The following ANKRD30B variants were observed in gnomAD, a reference collection of about 807,000 sequenced individuals.
ANKRD30B encodes ankyrin repeat domain-containing protein 30B.
A neutral mutation model predicts 202.2 loss-of-function variants in ANKRD30B; 144 were observed. The observed-to-expected ratio is 0.71, with a 90% CI of 0.62 to 0.82. The LOEUF (loss-of-function observed/expected upper bound fraction) is 0.82, where lower values mean the gene tolerates loss of function less well. ANKRD30B is among the 40% of genes least tolerant of loss of function. The pLI, the probability that ANKRD30B is intolerant of heterozygous loss-of-function variation, is 0.00. For missense variants in ANKRD30B, 1,487 were observed against 1,669.1 expected, an observed-to-expected ratio of 0.89 and a Z score of 1.90; for synonymous variants, 508 against 561.3, an observed-to-expected ratio of 0.91 and a Z score of 1.34.
chr18:14,882,401 ATT>A, the ANKRD30B span, among the ~76,000 whole-genome samples: 1 of 152,168 alleles, frequency 6.6e-6, no homozygotes, highest in Admixed American at 6.5e-5. Flanking sequence ...AATTCCATGT[ATT>A]TGCATGGTTT....
chr18:14,797,820 C>A lies in ANKRD30B; in HGVS notation c.1995C>A (p.Ala665=). ...CGRKVSLPNK[A]LELKDRETLK... is the part of the protein sequence containing the mutation. ...GGAAAGTTTCTCTTCCAAATAAAGC[C>A]TTAGAATTAAAGGACAGAGAAACAC... Residue 665 remains alanine, a synonymous_variant, in exon 20 of 44, where the codon GCC becomes GCA. Coordinates refer to ENST00000690538, the MANE Select transcript of ANKRD30B (RefSeq NM_001367607.2). 6.4e-7 allele frequency: 1 copy of A among 1,551,824 alleles called. No homozygotes were observed. The highest frequency in any genetic ancestry group is 8.7e-7 in the Non-Finnish European group (1 of 1,147,468).
the ANKRD30B span, among the ~76,000 whole-genome samples, chr18:14,861,400 C>T: frequency 1.3e-5 from 2 of 151,680 alleles, no homozygotes; most frequent in Admixed American, 6.6e-5. Context: ...ATGATACCAA[C>T]AGGCTCAAAG....
In ANKRD30B at chr18:14,752,804, A is replaced by T. The variant is rs1476619884; in HGVS notation, c.337-35A>T. 11 of 1,578,474 alleles carry T rather than the reference A, an allele frequency of 7.0e-6. No homozygotes were observed. The East Asian group carries it at 2.1e-4, about 30-fold the overall frequency. ...TGGAATACTTATTTTGATTTCCTATAATTTATAATGTACTTCTTGCTTTAA... is the reference window on the plus strand; with the variant it reads ...TGGAATACTTATTTTGATTTCCTATTATTTATAATGTACTTCTTGCTTTAA... On this transcript the variant is annotated intron_variant, in intron 2 of 43. Coordinates refer to ENST00000690538, the MANE Select transcript of ANKRD30B (RefSeq NM_001367607.2).
chr18:14,865,223 C>T, the ANKRD30B span, among the ~76,000 whole-genome samples: 122 of 151,792 alleles, frequency 8.0e-4, no homozygotes, highest in Middle Eastern at 3.4e-3. Flanking sequence ...TCCTCGCCAC[C>T]CTCTTTATCC....
intron 12 of ANKRD30B, 89 bp downstream of exon 12, chr18:14,782,703 T>G (rs1462967753): frequency 1.3e-6 from 1 of 761,628 alleles, no homozygotes; most frequent in Non-Finnish European, 2.0e-6. Flanking sequence ...CCAAATAAAA[T>G]TACCCACTAA....
chr18:14,918,966 G>T, the ANKRD30B span, among the ~76,000 whole-genome samples: 1 of 152,168 alleles, frequency 6.6e-6, no homozygotes, highest in East Asian at 1.9e-4. Flanking sequence ...TCCAGCTTCT[G>T]CCATGTGATG....
Position 14,748,763 on chromosome 18 carries a change from T to C in ANKRD30B, c.221+123T>C, listed in dbSNP as rs2143609069. On this transcript the variant is annotated intron_variant, in intron 1 of 43. Transcript: ENST00000690538. ...GAGCAGGTGGAGGAGTGGCGGGCGATGGGGCGGCCGTCCTGGGCCCCGAGG... is the reference window on the plus strand; with the variant it reads ...GAGCAGGTGGAGGAGTGGCGGGCGACGGGGCGGCCGTCCTGGGCCCCGAGG... 7 of 1,070,942 alleles carry C rather than the reference T, an allele frequency of 6.5e-6. No homozygotes were observed. In the East Asian group the frequency reaches 8.0e-5, roughly 12 times the overall value. The allele number at this position is 1,070,942 out of a possible 1,614,324, so 66.3% of individuals were successfully genotyped here.
At chr18:14,795,120 A>G (rs1170365463) in intron 16 of ANKRD30B, among the ~76,000 whole-genome samples, 2 of 152,242 alleles carry the variant, frequency 1.3e-5, no homozygotes, top group East Asian at 3.8e-4. Context: ...CCATTACTCT[A>G]ACATTGAAAT....
intron 5 of ANKRD30B, among the ~76,000 whole-genome samples, chr18:14,759,893 C>T (rs1914983854): frequency 6.6e-6 from 1 of 152,074 alleles, no homozygotes. Flanking sequence ...TGAAGAAACA[C>T]TTTTTTTAAA....
At chr18:14,809,420 C>G (rs1019950458) in intron 26 of ANKRD30B, among the ~76,000 whole-genome samples, 1 of 150,828 alleles carries the variant, frequency 6.6e-6, no homozygotes, top group Non-Finnish European at 1.5e-5. Context: ...TGAAGCTAGA[C>G]AACTGGTTAG....
intron 30 of ANKRD30B, among the ~76,000 whole-genome samples, chr18:14,819,928 C>T (rs1351007864): frequency 6.6e-6 from 1 of 152,032 alleles, no homozygotes; most frequent in African/African-American, 2.4e-5. Context: ...ATGGGGATGG[C>T]ATTGAATCTG....
intron 40 of ANKRD30B, among the ~76,000 whole-genome samples, chr18:14,849,435 A>G (rs576940542): frequency 1.3e-5 from 2 of 151,926 alleles, no homozygotes; most frequent in Non-Finnish European, 3.0e-5. Flanking sequence ...CCAAGAATCA[A>G]TTTCCTTTAA....
In ANKRD30B at chr18:14,763,880, AT is replaced by A; in HGVS notation, c.1019del (p.Leu340Ter). ...GTCAACAGAAGAAACACCTAGGAAA[AT>A]TTTGAGGCCTACAAAAGAAACATCT... The part of the protein sequence containing the change: ...EQSTEETPRK[I>X]LRPTKETSEK... On this transcript the variant is annotated frameshift_variant, in exon 7 of 44. Transcript: ENST00000690538. LOFTEE classifies it high-confidence loss of function. The A allele has an allele frequency of 6.2e-7, 1 of 1,612,706 alleles. No individual in the cohort carries two copies. Among genetic ancestry groups the A allele is most frequent in the Non-Finnish European group, 8.5e-7 (1 of 1,179,288 alleles).
chr18:14,831,664 T>C (rs1454161216), intron 34 of ANKRD30B, among the ~76,000 whole-genome samples: 1 of 152,028 alleles, frequency 6.6e-6, no homozygotes, highest in Non-Finnish European at 1.5e-5. Context: ...CTTCAGTAAA[T>C]AACAAATGAT....
chr18:14,916,057 T>A, the ANKRD30B span, among the ~76,000 whole-genome samples: 1 of 152,336 alleles, frequency 6.6e-6, no homozygotes, highest in East Asian at 1.9e-4. Flanking sequence ...TGGAGATTCT[T>A]GGAATCAATG....
chr18:14,931,139 G>T, the ANKRD30B span, among the ~76,000 whole-genome samples: 1 of 152,190 alleles, frequency 6.6e-6, no homozygotes, highest in Non-Finnish European at 1.5e-5. Flanking sequence ...GACCTGCCAG[G>T]CTACTGTCTT....
rs761178385 is a variant in ANKRD30B, at chr18:14,797,701, T to C, written c.1956+12T>C. 6 of 1,609,750 alleles carry C rather than the reference T, an allele frequency of 3.7e-6. No individual in the cohort carries two copies. Among genetic ancestry groups the C allele is most frequent in the Non-Finnish European group, 4.3e-6 (5 of 1,176,368 alleles). On this transcript the variant is annotated intron_variant, in intron 19 of 43. Coordinates refer to ENST00000690538, the MANE Select transcript of ANKRD30B (RefSeq NM_001367607.2). ...ATGGTCTTCTGAAGGTAATAGCTTT[T>C]ATGTCTCTATCTTGAATATTAACTA...
the ANKRD30B span, among the ~76,000 whole-genome samples, chr18:14,929,176 G>T: frequency 6.6e-6 from 1 of 152,184 alleles, no homozygotes; most frequent in African/African-American, 2.4e-5. Context: ...TCTTAGAGGA[G>T]TCGTGTGCCT....
intron 36 of ANKRD30B, among the ~76,000 whole-genome samples, chr18:14,839,774 GC>G (rs1439042208): frequency 6.6e-6 from 1 of 151,980 alleles, no homozygotes; most frequent in African/African-American, 2.4e-5. Context: ...ATTATTTTAA[GC>G]CCTTGTTTTC....
Sources: allele counts gnomAD v4.1 joint callset (sites outside exome capture counted in the v4.1 genomes callset), GRCh38; gene constraint gnomAD v4.1.1; transcripts MANE v1.5; gene names NCBI Gene and HGNC (gene_info 2026-07-23, HGNC 2026-07-21).